PPIL4: variants seen among roughly 807,000 people sequenced by gnomAD.
PPIL4 encodes the protein peptidylprolyl isomerase like 4.
A neutral mutation model predicts 69.1 loss-of-function variants in PPIL4; 50 were observed. The ratio of observed to expected loss-of-function variants is 0.72; its 90% CI spans 0.58 to 0.92. The LOEUF (loss-of-function observed/expected upper bound fraction) is 0.92, where lower values mean the gene tolerates loss of function less well. Among genes scored for constraint, PPIL4 ranks in the 40% least tolerant of loss-of-function variants. The pLI is 0.00. For synonymous variants in PPIL4, 193 were observed against 191.6 expected, an observed-to-expected ratio of 1.01 and a Z score of -0.06; for missense variants, 480 against 587.9, an observed-to-expected ratio of 0.82 and a Z score of 1.90.
chr6:149,537,780 G>A (rs1777300246), intron 4 of PPIL4, among the ~76,000 whole-genome samples: 1 of 152,002 alleles, frequency 6.6e-6, no homozygotes, highest in African/African-American at 2.4e-5. Flanking sequence ...TTGGATGACA[G>A]CACATCTGTT....
At chr6:149,532,704 C>T (rs1248887098) in intron 7 of PPIL4, among the ~76,000 whole-genome samples, 1 of 152,086 alleles carries the variant, frequency 6.6e-6, no homozygotes, top group Non-Finnish European at 1.5e-5. Flanking sequence ...GTCTCAGCAA[C>T]TCAGGAGGCT....
At position 149,528,062 on chromosome 6, in the gene PPIL4, C is replaced by T. The variant is rs555286679; in HGVS notation, c.679-1286G>A. Reference sequence around the variant, plus strand: ...CTTGAAGCCAGGAGTTTGAGACCAGCCCACGCAACATAGTAAGACCTTGTC... The same window carrying T: ...CTTGAAGCCAGGAGTTTGAGACCAGTCCACGCAACATAGTAAGACCTTGTC... On this transcript the variant is annotated intron_variant, in intron 7 of 12. Coordinates refer to ENST00000253329, the MANE Select transcript of PPIL4 (RefSeq NM_139126.4). Among the ~76,000 whole-genome samples the T allele has an allele frequency of 3.4e-4, 52 of 152,252 alleles. No individual in the cohort carries two copies. The South Asian group carries it at 3.5e-3, about 10-fold the overall frequency.
chr6:149,523,366 C>T (rs1440231728), intron 9 of PPIL4, among the ~76,000 whole-genome samples: 1 of 151,884 alleles, frequency 6.6e-6, no homozygotes, highest in African/African-American at 2.4e-5. Flanking sequence ...AGCTTGCATC[C>T]AGAAAATATA....
intron 1 of PPIL4, among the ~76,000 whole-genome samples, chr6:149,544,061 G>A (rs1777405102): frequency 6.6e-6 from 1 of 152,074 alleles, no homozygotes; most frequent in African/African-American, 2.4e-5. Context: ...TTATTGTTAT[G>A]GGCTTATCTT....
chr6:149,522,336 A>G (rs1032277335), intron 9 of PPIL4, among the ~76,000 whole-genome samples: 1 of 152,226 alleles, frequency 6.6e-6, no homozygotes, highest in Non-Finnish European at 1.5e-5. Context: ...TAAATATTCA[A>G]AAGTCAAAAA....
chr6:149,509,549 AAAG>A (rs1165393345), intron 12 of PPIL4, among the ~76,000 whole-genome samples: 1 of 152,262 alleles, frequency 6.6e-6, no homozygotes, highest in African/African-American at 2.4e-5. Context: ...AGCCACCAGT[AAAG>A]AAGACTGATG....
chr6:149,506,412 C>T (rs755744365), intron 12 of PPIL4, among the ~76,000 whole-genome samples: 27 of 152,212 alleles, frequency 1.8e-4, no homozygotes, highest in Non-Finnish European at 3.4e-4. Context: ...GCAGAGGTTG[C>T]GGTGAGCCAA....
At chr6:149,512,989 G>A (rs112907298) in intron 11 of PPIL4, among the ~76,000 whole-genome samples, 4,090 of 151,098 alleles carry the variant, frequency 0.027, 162 homozygotes, top group African/African-American at 0.093. Context: ...TGATCCACCC[G>A]CCTCGGCCTC....
chr6:149,511,612 A>G (rs1242028188), intron 12 of PPIL4, among the ~76,000 whole-genome samples: 1 of 152,182 alleles, frequency 6.6e-6, no homozygotes, highest in Middle Eastern at 3.2e-3. Flanking sequence ...ACCAAAGCAC[A>G]GGCTGGAAAT....
intron 11 of PPIL4, among the ~76,000 whole-genome samples, chr6:149,515,970 T>C (rs531418526): frequency 6.6e-6 from 1 of 152,210 alleles, no homozygotes; most frequent in Non-Finnish European, 1.5e-5. Context: ...CCTTCTTAAC[T>C]GACTTAAGAC....
At position 149,521,055 on chromosome 6, in the gene PPIL4, C is replaced by T. The variant is rs774514389; in HGVS notation, c.982+5G>A. The T allele has an allele frequency of 1.4e-6, 2 of 1,418,708 alleles. No individual in the cohort carries two copies. Among genetic ancestry groups the T allele is most frequent in the South Asian group, 1.2e-5 (1 of 82,740 alleles). 87.9% of individuals were successfully genotyped at this position (1,418,708 alleles called of 1,614,324 possible). A position where few individuals can be genotyped will look rare whatever the true frequency, so the allele number is the denominator to read the frequency against. On this transcript the variant is annotated splice_donor_5th_base_variant and intron_variant, in intron 10 of 12. Coordinates refer to ENST00000253329, the MANE Select transcript of PPIL4 (RefSeq NM_139126.4). ...AGAACAAAAACAAAAGATAAACCAT[C>T]ATACCTTTTCCTTTCCATTTAACCT...
chr6:149,507,289 T>C (rs1776783557), intron 12 of PPIL4, among the ~76,000 whole-genome samples: 1 of 152,264 alleles, frequency 6.6e-6, no homozygotes, highest in African/African-American at 2.4e-5. Flanking sequence ...AGGATTGTTA[T>C]AGTAATAATC....
chr6:149,517,386 C>T lies in PPIL4; in HGVS notation c.1047G>A (p.Leu349=). 1 of 1,606,282 alleles carries T rather than the reference C, an allele frequency of 6.2e-7. No homozygotes were observed. The part of the protein sequence containing the change: ...YEKEQDKPPN[L]VLKDKVKPKQ... ...TGGGCTTTACTTTATCTTTCAGAAC[C>T]AAATTAGGTGGTTTATCCTGTTCTT... The change falls in exon 11 of 13, where the codon TTG becomes TTA. Residue 349 remains leucine (L), a synonymous_variant. Coordinates refer to ENST00000253329, the MANE Select transcript of PPIL4 (RefSeq NM_139126.4).
At chr6:149,532,177 AAG>A (rs1406941938) in intron 7 of PPIL4, among the ~76,000 whole-genome samples, 1 of 152,218 alleles carries the variant, frequency 6.6e-6, no homozygotes, top group African/African-American at 2.4e-5. Flanking sequence ...GAGAGAGAAA[AAG>A]AGAGAATCAT....
At chr6:149,524,876 G>A (rs1027270126) in intron 9 of PPIL4, among the ~76,000 whole-genome samples, 13 of 151,936 alleles carry the variant, frequency 8.6e-5, no homozygotes, top group Non-Finnish European at 1.6e-4. Context: ...ACTCCAGCCT[G>A]GGCAACAGAG....
chr6:149,516,207 A>T (rs1776941353), intron 11 of PPIL4, among the ~76,000 whole-genome samples: 1 of 152,216 alleles, frequency 6.6e-6, no homozygotes, highest in South Asian at 2.1e-4. Context: ...TTCCATTCAT[A>T]ACTTTTATGA....
chr6:149,533,487 CCT>C lies in PPIL4; in HGVS notation c.647_648del (p.Glu216GlyfsTer2). The C allele has an allele frequency of 6.2e-7, 1 of 1,604,396 alleles. No homozygotes were observed. The highest frequency in any genetic ancestry group is 8.5e-7 in the Non-Finnish European group (1 of 1,171,642). ...TCCAAAAGTATAGCCTGAGTTTTAG[CCT>C]CTTTTTCTGCCTTTATTTCTTCTAC... ...EEVEEIKAEKEAKTQAILLEM... is the reference protein window; with the variant it reads ...EEVEEIKAEKXAKTQAILLEM... On this transcript the variant is annotated frameshift_variant, in exon 7 of 13. Coordinates refer to ENST00000253329, the MANE Select transcript of PPIL4 (RefSeq NM_139126.4). LOFTEE classifies it high-confidence loss of function.
At chr6:149,508,403 A>T (rs1776796702) in intron 12 of PPIL4, among the ~76,000 whole-genome samples, 2 of 152,224 alleles carry the variant, frequency 1.3e-5, no homozygotes, top group Admixed American at 6.5e-5. Flanking sequence ...ATAAGACAAG[A>T]TGATTAAACT....
intron 11 of PPIL4, 43 bp downstream of exon 11, chr6:149,517,311 G>A: frequency 9.6e-7 from 1 of 1,046,946 alleles, no homozygotes; most frequent in Non-Finnish European, 1.5e-6. Context: ...ACACATAGCA[G>A]ATGGTCAATA....
Sources: allele counts gnomAD v4.1 joint callset (sites outside exome capture counted in the v4.1 genomes callset), GRCh38; gene constraint gnomAD v4.1.1; transcripts MANE v1.5; gene names NCBI Gene and HGNC (gene_info 2026-07-23, HGNC 2026-07-21).